The following MPDZ variants were observed in gnomAD, a reference collection of about 807,000 sequenced individuals.
MPDZ encodes multiple PDZ domain crumbs cell polarity complex component.
MPDZ carries 234 observed loss-of-function variants against 239.1 expected under a neutral mutation model. That is an observed-to-expected ratio of 0.98 (90% CI 0.88 to 1.09). The LOEUF (loss-of-function observed/expected upper bound fraction) is 1.09. MPDZ is among the 50% of genes least tolerant of loss of function. The pLI, the probability that MPDZ is intolerant of heterozygous loss-of-function variation, is 0.00. For synonymous variants in MPDZ, 1,048 were observed against 881.3 expected, an observed-to-expected ratio of 1.19 and a Z score of -3.35; for missense variants, 3,175 against 2,510.0, an observed-to-expected ratio of 1.26 and a Z score of -5.66.
chr9:13,233,331 G>C (rs1025447476), intron 3 of MPDZ, among the ~76,000 whole-genome samples: 1 of 151,990 alleles, frequency 6.6e-6, no homozygotes, highest in Non-Finnish European at 1.5e-5. Flanking sequence ...TATTCAAACA[G>C]AAAATGAAAA....
intron 22 of MPDZ, among the ~76,000 whole-genome samples, chr9:13,166,166 T>C (rs1951052747): frequency 6.6e-6 from 1 of 152,088 alleles, no homozygotes; most frequent in African/African-American, 2.4e-5. Context: ...ATCCAGGTAA[T>C]GAGCACAAAG....
Position 13,146,756 on chromosome 9 carries a change from T to A in MPDZ, c.3741+792A>T, listed in dbSNP as rs533577994. On this transcript the variant is annotated intron_variant, in intron 26 of 46. Coordinates refer to ENST00000319217, the MANE Select transcript of MPDZ (RefSeq NM_001378778.1). ...AATAACTGCTGCATGTGAATTTTTTTTTTCATGAGGCATAAAGAAGGAGTT... is the reference window on the plus strand; with the variant it reads ...AATAACTGCTGCATGTGAATTTTTTATTTCATGAGGCATAAAGAAGGAGTT... 4.6e-5 allele frequency among the ~76,000 whole-genome samples: 7 copies of A among 152,172 alleles called. No individual in the cohort carries two copies. In the South Asian group the frequency reaches 8.3e-4, roughly 18 times the overall value.
At chr9:13,168,293 T>C (rs1404427434) in intron 22 of MPDZ, 73 bp downstream of exon 22, 1 of 1,382,350 alleles carries the variant, frequency 7.2e-7, no homozygotes, top group Non-Finnish European at 1.0e-6. Context: ...CAGAAGTGAA[T>C]ACTGAAAAAG....
intron 2 of MPDZ, among the ~76,000 whole-genome samples, chr9:13,250,030 C>T (rs1432274718): frequency 1.3e-5 from 2 of 152,160 alleles, no homozygotes; most frequent in Non-Finnish European, 2.9e-5. Flanking sequence ...CAGAATTGGG[C>T]TTACATTAAG....
chr9:13,109,386 G>C (rs888161995), intron 45 of MPDZ, among the ~76,000 whole-genome samples: 3 of 152,152 alleles, frequency 2.0e-5, no homozygotes, highest in Admixed American at 6.5e-5. Context: ...GAGGGCTAAA[G>C]TTCAGGGGAC....
rs1466762196 is a variant in MPDZ at position 13,119,609 on chromosome 9, C to T, written c.5272G>A (p.Gly1758Arg). 2 of 1,613,982 alleles carry T rather than the reference C, an allele frequency of 1.2e-6. No homozygotes were observed. Among genetic ancestry groups the T allele is most frequent in the Non-Finnish European group, 1.7e-6 (2 of 1,179,864 alleles). The change falls in exon 39 of 47, where the codon GGA (glycine) becomes AGA (arginine). Residue 1758 changes from glycine (G) to arginine (R), a missense_variant. Transcript: ENST00000319217. ...AGTCTTCCATCGGCATCTGCAATTCCTCCTTTGACAATGTCTGACACAAAT... is the reference window on the plus strand; with the variant it reads ...AGTCTTCCATCGGCATCTGCAATTCTTCCTTTGACAATGTCTGACACAAAT... ...GVFVSDIVKG[G>R]IADADGRLMQ...
At chr9:13,206,606 C>T (rs1410133584) in intron 10 of MPDZ, among the ~76,000 whole-genome samples, 1 of 151,176 alleles carries the variant, frequency 6.6e-6, no homozygotes, top group South Asian at 2.1e-4. Context: ...TGCAGTGGTG[C>T]GATCTCGGCT....
At chr9:13,108,243 G>A (rs769361945) in intron 46 of MPDZ, among the ~76,000 whole-genome samples, 69 of 152,090 alleles carry the variant, frequency 4.5e-4, no homozygotes, top group Non-Finnish European at 8.2e-4. Flanking sequence ...CCTGAAAAAC[G>A]ACTTAACATA....
chr9:13,207,605 A>T (rs1391009254), intron 10 of MPDZ, among the ~76,000 whole-genome samples: 1 of 152,226 alleles, frequency 6.6e-6, no homozygotes, highest in Non-Finnish European at 1.5e-5. Flanking sequence ...TTGTTTTCAT[A>T]ATAAACTACC....
At position 13,143,520 on chromosome 9, in the gene MPDZ, G is replaced by A. The variant is rs755733019; in HGVS notation, c.3786C>T (p.Tyr1262=). 6.2e-7 allele frequency: 1 copy of A among 1,613,070 alleles called. No individual in the cohort carries two copies. The highest frequency in any genetic ancestry group is 8.5e-7 in the Non-Finnish European group (1 of 1,179,208). The change falls in exon 27 of 47, where the codon TAC becomes TAT. Residue 1262 remains tyrosine (Y), a synonymous_variant. Coordinates refer to ENST00000319217, the MANE Select transcript of MPDZ (RefSeq NM_001378778.1). ...CAAATGGGTTAGTGCTGCTGAAGTT[G>A]TACTTAGGGTAAAGGTTGTGCAGCA... ...PSLLHNLYPK[Y]NFSSTNPFAD... is the part of the protein sequence containing the mutation.
intron 38 of MPDZ, chr9:13,120,084 A>G (rs954633904): frequency 1.7e-5 from 3 of 171,576 alleles, no homozygotes; most frequent in South Asian, 1.4e-4. Flanking sequence ...ATATTACTGA[A>G]AATCATAACA....
At chr9:13,144,552 G>C (rs570039129) in intron 26 of MPDZ, among the ~76,000 whole-genome samples, 3 of 152,022 alleles carry the variant, frequency 2.0e-5, no homozygotes, top group East Asian at 3.9e-4. Context: ...TTAAATGTTT[G>C]TGTTACTTTT....
At chr9:13,137,167 T>C (rs1400382167) in intron 29 of MPDZ, among the ~76,000 whole-genome samples, 2 of 152,056 alleles carry the variant, frequency 1.3e-5, no homozygotes, top group African/African-American at 4.8e-5. Flanking sequence ...TGCAAGACCA[T>C]CCTGGGAAGT....
At chr9:13,269,327 A>C in intron 1 of MPDZ, among the ~76,000 whole-genome samples, 1 of 152,332 alleles carries the variant, frequency 6.6e-6, no homozygotes, top group East Asian at 1.9e-4. Context: ...TGCCTCTAGA[A>C]AACAGGAAAT....
rs1399141654 is a variant in MPDZ, at chr9:13,180,870, TA to T, written c.2649+2547del. ...ATCAAATTAAGCAAATACATACTCTTAAAAAAGTAAAGCAGAATGGACCCCC... is the reference window on the plus strand; with the variant it reads ...ATCAAATTAAGCAAATACATACTCTTAAAAAGTAAAGCAGAATGGACCCCC... On this transcript the variant is annotated intron_variant, in intron 19 of 46. Transcript: ENST00000319217. Among the ~76,000 whole-genome samples, 3 of 152,200 alleles carry T rather than the reference TA, an allele frequency of 2.0e-5. No homozygotes were observed. In the East Asian group the frequency reaches 5.8e-4, roughly 29 times the overall value.
In MPDZ at chr9:13,121,924, TC is replaced by T. The variant is rs774606640; in HGVS notation, c.5045del (p.Gly1682GlufsTer4). 9.3e-6 allele frequency: 15 copies of T among 1,613,110 alleles called. No individual in the cohort carries two copies. Among genetic ancestry groups the T allele is most frequent in the Non-Finnish European group, 6.8e-6 (8 of 1,179,428 alleles). On this transcript the variant is annotated frameshift_variant, in exon 38 of 47. Coordinates refer to ENST00000319217, the MANE Select transcript of MPDZ (RefSeq NM_001378778.1). LOFTEE classifies it high-confidence loss of function. ...CATGTGTGGCCTTTCTCAAGTCAAT[TC>T]CATTCACCTGTACAGAAATGGGACA... Reference protein sequence around the residue: ...WAGDQILEVNGIDLRKATHDE... With the variant: ...WAGDQILEVNXIDLRKATHDE...
chr9:13,272,342 C>T (rs1218353565), intron 1 of MPDZ, among the ~76,000 whole-genome samples: 2 of 152,072 alleles, frequency 1.3e-5, no homozygotes, highest in East Asian at 3.9e-4. Context: ...TCATTTTCCT[C>T]CCTCAGCCAA....
intron 26 of MPDZ, among the ~76,000 whole-genome samples, chr9:13,143,931 C>T (rs561206143): frequency 6.6e-6 from 1 of 151,966 alleles, no homozygotes; most frequent in South Asian, 2.1e-4. Context: ...AAATTAAAAC[C>T]ACAAAATTTT....
intron 22 of MPDZ, among the ~76,000 whole-genome samples, chr9:13,163,689 A>C (rs1303338196): frequency 1.3e-5 from 2 of 152,204 alleles, no homozygotes; most frequent in African/African-American, 2.4e-5. Context: ...TGTTTGTGCA[A>C]CTAAAAATTA....
Sources: allele counts gnomAD v4.1 joint callset (sites outside exome capture counted in the v4.1 genomes callset), GRCh38; gene constraint gnomAD v4.1.1; transcripts MANE v1.5; gene names NCBI Gene and HGNC (gene_info 2026-07-23, HGNC 2026-07-21).